The following TMEM132D variants were observed in gnomAD, a reference collection of about 807,000 sequenced individuals.
TMEM132D encodes the protein mature OL transmembrane protein.
In TMEM132D, 21 loss-of-function variants were observed where a neutral mutation model predicts 62.3. That is an observed-to-expected ratio of 0.34 (90% CI 0.24 to 0.49). The LOEUF is 0.49. Among genes scored for constraint, TMEM132D ranks in the 20% least tolerant of loss-of-function variants. The pLI is 0.99. For missense variants in TMEM132D, 1,346 were observed against 1,402.8 expected (o/e 0.96, Z 0.65); for synonymous variants, 621 against 575.6 (o/e 1.08, Z -1.13).
At chr12:129,384,788 G>T (rs1362402612) in intron 3 of TMEM132D, among the ~76,000 whole-genome samples, 4 of 152,124 alleles carry the variant, frequency 2.6e-5, no homozygotes, top group African/African-American at 9.7e-5. Context: ...GAAGCACAGG[G>T]CAACACTCTC....
chr12:129,774,331 C>T (rs1037322257), intron 1 of TMEM132D, among the ~76,000 whole-genome samples: 1 of 152,144 alleles, frequency 6.6e-6, no homozygotes, highest in African/African-American at 2.4e-5. Context: ...ACTTCCTGGG[C>T]CCACCCTTCA....
intron 1 of TMEM132D, among the ~76,000 whole-genome samples, chr12:129,725,514 T>C (rs145892077): frequency 6.6e-6 from 1 of 152,356 alleles, no homozygotes; most frequent in Non-Finnish European, 1.5e-5. Flanking sequence ...CCCCAGCCTA[T>C]CTATTAAGTG....
At chr12:129,547,525 T>C (rs1360988746) in intron 2 of TMEM132D, among the ~76,000 whole-genome samples, 1 of 152,120 alleles carries the variant, frequency 6.6e-6, no homozygotes, top group African/African-American at 2.4e-5. Context: ...GATGAGGGCA[T>C]TTTCAGGAGC....
chr12:129,252,134 A>G (rs1469375584), intron 4 of TMEM132D, among the ~76,000 whole-genome samples: 3 of 152,240 alleles, frequency 2.0e-5, no homozygotes, highest in Non-Finnish European at 4.4e-5. Context: ...CTACATGAGT[A>G]GTTAAGATCC....
rs141516818 is a variant in TMEM132D at position 129,541,530 on chromosome 12, C to T, written c.969-10325G>A. Among the ~76,000 whole-genome samples the T allele has an allele frequency of 3.7e-4, 57 of 152,212 alleles. 1 individual carries two copies. Among genetic ancestry groups the T allele is most frequent in the African/African-American group, 1.2e-3 (49 of 41,526 alleles). On this transcript the variant is annotated intron_variant, in intron 2 of 8. Coordinates refer to ENST00000422113, the MANE Select transcript of TMEM132D (RefSeq NM_133448.3). ...GGATGGCTAAATTGGGAGGGGATGGCGAGAGAGGGTAGAGGGACCTGCATT... is the reference window on the plus strand; with the variant it reads ...GGATGGCTAAATTGGGAGGGGATGGTGAGAGAGGGTAGAGGGACCTGCATT...
chr12:129,705,152 C>T (rs1485294826), intron 1 of TMEM132D, among the ~76,000 whole-genome samples: 1 of 152,120 alleles, frequency 6.6e-6, no homozygotes, highest in Admixed American at 6.5e-5. Flanking sequence ...GTGAGATGCA[C>T]ATTAGATGTT....
At chr12:129,401,375 T>C (rs1015178351) in intron 3 of TMEM132D, among the ~76,000 whole-genome samples, 1 of 152,094 alleles carries the variant, frequency 6.6e-6, no homozygotes, top group African/African-American at 2.4e-5. Context: ...GAGACCAGCC[T>C]GGACAATATA....
At chr12:129,887,604 AAATAAT>A (rs923503676) in intron 1 of TMEM132D, among the ~76,000 whole-genome samples, 1 of 152,080 alleles carries the variant, frequency 6.6e-6, no homozygotes, top group Non-Finnish European at 1.5e-5. Flanking sequence ...TTAAATTATA[AAATAAT>A]AATAATAATA....
intron 2 of TMEM132D, among the ~76,000 whole-genome samples, chr12:129,677,955 TTAAA>T (rs879904325): frequency 6.6e-6 from 1 of 152,182 alleles, no homozygotes; most frequent in African/African-American, 2.4e-5. Flanking sequence ...CAAATTTTAA[TTAAA>T]TATTATAATA....
In TMEM132D at chr12:129,863,116, G is replaced by A. The variant is rs562711444; in HGVS notation, c.79+40145C>T. Among the ~76,000 whole-genome samples the A allele has an allele frequency of 2.5e-4, 38 of 152,274 alleles. No individual in the cohort carries two copies. In the East Asian group the frequency reaches 6.6e-3, roughly 26 times the overall value. On this transcript the variant is annotated intron_variant, in intron 1 of 8. Coordinates refer to ENST00000422113, the MANE Select transcript of TMEM132D (RefSeq NM_133448.3). ...AACAGGCCGGTTATCAGACAAATGT[G>A]GGCTGTGTCACATTAAAGTCACTAT...
chr12:129,358,979 T>C (rs1870163270), intron 3 of TMEM132D, among the ~76,000 whole-genome samples: 1 of 152,080 alleles, frequency 6.6e-6, no homozygotes, highest in East Asian at 1.9e-4. Context: ...TAAATGTCCA[T>C]TTTAACTTTA....
At chr12:129,713,405 G>GT (rs34930874) in intron 1 of TMEM132D, among the ~76,000 whole-genome samples, 38,726 of 147,090 alleles carry the variant, frequency 0.26, 5,418 homozygotes, top group Middle Eastern at 0.37. Context: ...GTTTTTTGTT[G>GT]TTTTTTTTTT....
At chr12:129,799,280 T>C (rs1200351506) in intron 1 of TMEM132D, among the ~76,000 whole-genome samples, 1 of 151,298 alleles carries the variant, frequency 6.6e-6, no homozygotes, top group African/African-American at 2.4e-5. Context: ...AGACTCCGTC[T>C]CAAAAACAAA....
intron 1 of TMEM132D, among the ~76,000 whole-genome samples, chr12:129,807,394 A>G (rs1872027840): frequency 6.6e-6 from 1 of 152,180 alleles, no homozygotes; most frequent in Admixed American, 6.5e-5. Flanking sequence ...CAAAGAGGCC[A>G]CAATGCTCTT....
intron 1 of TMEM132D, among the ~76,000 whole-genome samples, chr12:129,724,278 C>G (rs1183151982): frequency 6.6e-6 from 1 of 152,244 alleles, no homozygotes; most frequent in East Asian, 1.9e-4. Context: ...GGAAGCCCAT[C>G]CCATGAGAGA....
intron 3 of TMEM132D, among the ~76,000 whole-genome samples, chr12:129,390,730 C>T (rs1474427420): frequency 6.6e-6 from 1 of 152,136 alleles, no homozygotes. Flanking sequence ...ACTCGCTCTG[C>T]CCTGTCCATG....
intron 1 of TMEM132D, among the ~76,000 whole-genome samples, chr12:129,712,371 G>A (rs942212005): frequency 6.6e-6 from 1 of 152,128 alleles, no homozygotes; most frequent in South Asian, 2.1e-4. Flanking sequence ...TGATCTGCCC[G>A]CCTCAGCCTC....
At chr12:129,352,984 G>C (rs1251193900) in intron 3 of TMEM132D, among the ~76,000 whole-genome samples, 1 of 152,092 alleles carries the variant, frequency 6.6e-6, no homozygotes, top group Non-Finnish European at 1.5e-5. Flanking sequence ...TTTGCACTGT[G>C]CACTTGCCCT....
In TMEM132D at chr12:129,891,728, C is replaced by T. The variant is rs573511311; in HGVS notation, c.79+11533G>A. ...AAGTATAAATTATGTAATTGTCCAG[C>T]AAACATAGAAACTTTGAAGCCATGA... On this transcript the variant is annotated intron_variant, in intron 1 of 8. Coordinates refer to ENST00000422113, the MANE Select transcript of TMEM132D (RefSeq NM_133448.3). Among the ~76,000 whole-genome samples, 84 of 152,226 alleles carry T rather than the reference C, an allele frequency of 5.5e-4. 1 individual carries two copies. The highest frequency in any genetic ancestry group is 1.9e-3 in the African/African-American group (79 of 41,544).
Sources: gnomAD v4.1 joint callset for allele counts (sites outside exome capture counted in the v4.1 genomes callset) on GRCh38, gnomAD v4.1.1 for gene constraint, MANE v1.5 for transcripts, NCBI Gene and HGNC (gene_info 2026-07-23, HGNC 2026-07-21) for gene names.